The following TRAPPC3L variants were observed in gnomAD, a reference collection of about 807,000 sequenced individuals.
TRAPPC3L encodes the protein trafficking protein particle complex subunit 3-like protein.
A neutral mutation model predicts 23.7 loss-of-function variants in TRAPPC3L; 23 were observed. The ratio of observed to expected loss-of-function variants is 0.97; its 90% CI spans 0.70 to 1.37. The LOEUF (loss-of-function observed/expected upper bound fraction) is 1.37, where lower values mean the gene tolerates loss of function less well. TRAPPC3L is among the 40% of genes most tolerant of loss of function. The probability of loss-of-function intolerance (pLI) is 0.00; values close to 1 mark genes in which losing one functional copy is unlikely to be tolerated. For missense variants in TRAPPC3L, 212 were observed against 216.8 expected, an observed-to-expected ratio of 0.98 and a Z score of 0.14; for synonymous variants, 81 against 77.9, an observed-to-expected ratio of 1.04 and a Z score of -0.21.
intron 3 of TRAPPC3L, among the ~76,000 whole-genome samples, chr6:116,532,980 G>T (rs749043252): frequency 6.6e-6 from 1 of 152,126 alleles, no homozygotes; most frequent in Non-Finnish European, 1.5e-5. Context: ...ATTTCAGAAC[G>T]TCAACTTGGT....
At chr6:116,504,258 C>T (rs539985201) in intron 3 of TRAPPC3L, among the ~76,000 whole-genome samples, 6 of 152,188 alleles carry the variant, frequency 3.9e-5, no homozygotes, top group East Asian at 3.9e-4. Context: ...AACACCTCTA[C>T]GCAAATAAAC....
rs141606346 is a variant in TRAPPC3L at position 116,544,151 on chromosome 6, A to AAGAGAGAGAGAGAGAGAGAGAG, written c.43-773_43-752dup. 3.5e-4 allele frequency among the ~76,000 whole-genome samples: 47 copies of AAGAGAGAGAGAGAGAGAGAGAG among 132,908 alleles called. 2 individuals carry two copies. The highest frequency in any genetic ancestry group is 3.2e-4 in the Admixed American group (4 of 12,430). The allele number at this position is 132,908 out of a possible 152,430, so 87.2% of individuals were successfully genotyped here. The stretch of plus-strand genomic sequence containing the variant: ...AGCATAAAGATAAGCAAAGGTGAAG[A>AAGAGAGAGAGAGAGAGAGAGAG]AGAGAGAGAGAGAGAGAGAGAGAGA... On this transcript the variant is annotated intron_variant, in intron 1 of 4. Coordinates refer to ENST00000368602, the MANE Select transcript of TRAPPC3L (RefSeq NM_001139444.3).
chr6:116,537,353 A>G (rs1773164155), intron 3 of TRAPPC3L, among the ~76,000 whole-genome samples: 1 of 152,214 alleles, frequency 6.6e-6, no homozygotes, highest in Non-Finnish European at 1.5e-5. Context: ...AATCAAGCAG[A>G]CTTGTTTCTA....
chr6:116,502,858 A>C (rs191735256), intron 3 of TRAPPC3L, among the ~76,000 whole-genome samples: 1 of 152,352 alleles, frequency 6.6e-6, no homozygotes, highest in Admixed American at 6.5e-5. Context: ...CCTGCCTTAC[A>C]AGAGCTCCTG....
At chr6:116,525,313 G>T (rs1008192504) in intron 3 of TRAPPC3L, among the ~76,000 whole-genome samples, 1 of 152,080 alleles carries the variant, frequency 6.6e-6, no homozygotes, top group South Asian at 2.1e-4. Context: ...TGGGCCCCTG[G>T]ATTCTTTCCC....
chr6:116,539,916 C>T (rs558941803), intron 3 of TRAPPC3L, among the ~76,000 whole-genome samples: 1 of 152,150 alleles, frequency 6.6e-6, no homozygotes, highest in Non-Finnish European at 1.5e-5. Context: ...GTTCTTAGAA[C>T]AAATATATTT....
rs1216546448 is a variant in TRAPPC3L at position 116,545,587 on chromosome 6, A to G, written c.-73T>C. ...CTGTTTCTTAGAGGTGTATCAGTCC[A>G]TGTCTTTTTGTTTTGTTTTTGTAAG... On this transcript the variant is annotated 5_prime_UTR_variant, in exon 1 of 5. It removes an upstream start codon present in the reference 5' UTR. Transcript: ENST00000368602. 2.2e-6 allele frequency: 3 copies of G among 1,382,948 alleles called. No individual in the cohort carries two copies. Among genetic ancestry groups the G allele is most frequent in the Non-Finnish European group, 3.0e-6 (3 of 1,010,760 alleles). The allele number at this position is 1,382,948 out of a possible 1,614,324, so 85.7% of individuals were successfully genotyped here.
chr6:116,529,905 G>A (rs1054959484), intron 3 of TRAPPC3L, among the ~76,000 whole-genome samples: 1 of 152,142 alleles, frequency 6.6e-6, no homozygotes, highest in Non-Finnish European at 1.5e-5. Context: ...GCGGAAGAGG[G>A]TTGAGGAATG....
intron 4 of TRAPPC3L, among the ~76,000 whole-genome samples, chr6:116,497,472 T>G (rs1002321113): frequency 1.3e-5 from 2 of 152,336 alleles, no homozygotes; most frequent in South Asian, 4.1e-4. Context: ...CTCAAACAGA[T>G]TTGCCATAAA....
intron 3 of TRAPPC3L, among the ~76,000 whole-genome samples, chr6:116,505,417 C>T (rs1170803090): frequency 2.0e-5 from 3 of 152,086 alleles, no homozygotes; most frequent in Non-Finnish European, 2.9e-5. Flanking sequence ...TAGAAAGAAT[C>T]AATATCGTGA....
At chr6:116,530,550 T>A (rs942631647) in intron 3 of TRAPPC3L, among the ~76,000 whole-genome samples, 2 of 152,140 alleles carry the variant, frequency 1.3e-5, no homozygotes, top group Non-Finnish European at 2.9e-5. Context: ...TTGGAGAATT[T>A]AGTTATCTCC....
At chr6:116,536,279 C>G (rs1242814628) in intron 3 of TRAPPC3L, among the ~76,000 whole-genome samples, 1 of 151,952 alleles carries the variant, frequency 6.6e-6, no homozygotes, top group Non-Finnish European at 1.5e-5. Context: ...AGATTTTTGC[C>G]TTCAATGATT....
At chr6:116,497,551 GA>G (rs1771849681) in intron 4 of TRAPPC3L, among the ~76,000 whole-genome samples, 1 of 152,110 alleles carries the variant, frequency 6.6e-6, no homozygotes. Flanking sequence ...TTATGGCTTT[GA>G]GAGCTTTGAG....
chr6:116,503,219 G>T (rs1211954471), intron 3 of TRAPPC3L, among the ~76,000 whole-genome samples: 1 of 152,074 alleles, frequency 6.6e-6, no homozygotes, highest in Non-Finnish European at 1.5e-5. Context: ...AGTAGGGGTT[G>T]CCATCCTGAT....
intron 3 of TRAPPC3L, among the ~76,000 whole-genome samples, chr6:116,513,710 T>G (rs1772169455): frequency 6.6e-6 from 1 of 152,164 alleles, no homozygotes; most frequent in South Asian, 2.1e-4. Context: ...AGGCAGCATA[T>G]AGTCCAGACC....
chr6:116,535,914 C>G (rs1025864210), intron 3 of TRAPPC3L, among the ~76,000 whole-genome samples: 1 of 152,154 alleles, frequency 6.6e-6, no homozygotes, highest in Non-Finnish European at 1.5e-5. Flanking sequence ...CTCAATTATT[C>G]TATCAGTAAA....
rs905372956 is a variant in TRAPPC3L at position 116,540,284 on chromosome 6, A to G, written c.240+79T>C. 8.9e-6 allele frequency: 12 copies of G among 1,354,958 alleles called. No homozygotes were observed. In the African/African-American group the frequency reaches 1.2e-4, roughly 13 times the overall value. The allele number at this position is 1,354,958 out of a possible 1,614,324, so 83.9% of individuals were successfully genotyped here. A position where few individuals can be genotyped will look rare whatever the true frequency, so the allele number is the denominator to read the frequency against. On this transcript the variant is annotated intron_variant, in intron 3 of 4. Coordinates refer to ENST00000368602, the MANE Select transcript of TRAPPC3L (RefSeq NM_001139444.3). ...AATGAATGCAGATGGAACCTGTCCAATCTGAACAGAAAACCACCATACTCA... is the reference window on the plus strand; with the variant it reads ...AATGAATGCAGATGGAACCTGTCCAGTCTGAACAGAAAACCACCATACTCA...
chr6:116,530,546 A>G (rs950490425), intron 3 of TRAPPC3L, among the ~76,000 whole-genome samples: 2 of 152,112 alleles, frequency 1.3e-5, no homozygotes, highest in East Asian at 1.9e-4. Flanking sequence ...TTCTTTGGAG[A>G]ATTTAGTTAT....
At chr6:116,522,780 T>G (rs957891650) in intron 3 of TRAPPC3L, 2 of 152,144 alleles carry the variant, frequency 1.3e-5, no homozygotes, top group Non-Finnish European at 2.9e-5. Flanking sequence ...TCTCTCAAAA[T>G]GTTATCTTCA....
Sources: allele counts gnomAD v4.1 joint callset (sites outside exome capture counted in the v4.1 genomes callset), GRCh38; gene constraint gnomAD v4.1.1; transcripts MANE v1.5; gene names NCBI Gene and HGNC (gene_info 2026-07-23, HGNC 2026-07-21).